The following EYA1 variants were observed in gnomAD, a reference collection of about 807,000 sequenced individuals.
The protein encoded by EYA1 is protein phosphatase EYA1.
A neutral mutation model predicts 82.0 loss-of-function variants in EYA1; 16 were observed. The ratio of observed to expected loss-of-function variants is 0.20; its 90% CI spans 0.13 to 0.30. The LOEUF (loss-of-function observed/expected upper bound fraction) is 0.30. EYA1 is among the 10% of genes least tolerant of loss of function. EYA1 has a pLI of 1.00. For missense variants in EYA1, 633 were observed against 730.7 expected (o/e 0.87, Z 1.54); for synonymous variants, 261 against 264.4 (o/e 0.99, Z 0.12).
intron 2 of EYA1, among the ~76,000 whole-genome samples, chr8:71,434,558 AG>A (rs1469172776): frequency 6.6e-6 from 1 of 152,182 alleles, no homozygotes; most frequent in African/African-American, 2.4e-5. Context: ...GAGGTTACAT[AG>A]AAGATAGAAG....
chr8:71,201,835 A>G (rs1274520056), intron 17 of EYA1, among the ~76,000 whole-genome samples: 6 of 152,090 alleles, frequency 3.9e-5, no homozygotes, highest in Admixed American at 6.6e-5. Flanking sequence ...CTTGGTATCT[A>G]TTTTTATATT....
At chr8:71,384,618 C>T (rs1267830626) in intron 2 of EYA1, among the ~76,000 whole-genome samples, 1 of 152,212 alleles carries the variant, frequency 6.6e-6, no homozygotes, top group Non-Finnish European at 1.5e-5. Flanking sequence ...GATCTCAGAA[C>T]AATCAAACAT....
At chr8:71,415,027 A>G (rs1830783724) in intron 2 of EYA1, among the ~76,000 whole-genome samples, 1 of 152,186 alleles carries the variant, frequency 6.6e-6, no homozygotes, top group Non-Finnish European at 1.5e-5. Flanking sequence ...AAACTTGTAA[A>G]ACAGAAATTC....
chr8:71,473,033 A>AGTCCAAATAAT (rs1302371661), intron 2 of EYA1, among the ~76,000 whole-genome samples: 3 of 151,940 alleles, frequency 2.0e-5, no homozygotes, highest in Admixed American at 6.6e-5. Flanking sequence ...GATAAAAATG[A>AGTCCAAATAAT]GTCCAAATAA....
chr8:71,347,424 AC>A (rs1825846704), intron 3 of EYA1, among the ~76,000 whole-genome samples: 1 of 152,012 alleles, frequency 6.6e-6, no homozygotes. Flanking sequence ...CCGGGTTCAC[AC>A]CATTCTCCTG....
intron 2 of EYA1, among the ~76,000 whole-genome samples, chr8:71,501,388 T>C (rs1309948141): frequency 6.6e-6 from 1 of 152,226 alleles, no homozygotes; most frequent in Non-Finnish European, 1.5e-5. Flanking sequence ...CATTATTTGC[T>C]TGAAATCCTG....
intron 2 of EYA1, among the ~76,000 whole-genome samples, chr8:71,448,299 T>C (rs1458879934): frequency 6.6e-6 from 1 of 152,214 alleles, no homozygotes; most frequent in Admixed American, 6.5e-5. Flanking sequence ...TTCAATAATG[T>C]TCATGGCATC....
chr8:71,356,078 G>T (rs760991988), intron 2 of EYA1, among the ~76,000 whole-genome samples: 3 of 152,116 alleles, frequency 2.0e-5, no homozygotes, highest in African/African-American at 7.2e-5. Flanking sequence ...TTTAGAGGTC[G>T]CACTTACATT....
At chr8:71,277,115 ATTTTTTTTTTTTT>A (rs9298167) in intron 9 of EYA1, among the ~76,000 whole-genome samples, 29 of 76,948 alleles carry the variant, frequency 3.8e-4, no homozygotes, top group African/African-American at 1.3e-3. Flanking sequence ...GGCTTCACAC[ATTTTTTTTTTTTT>A]TTTTTTTTTT....
At chr8:71,362,529 T>C (rs1447253686), upstream of EYA1, among the ~76,000 whole-genome samples, 1 of 152,172 alleles carries the variant, frequency 6.6e-6, no homozygotes, top group Non-Finnish European at 1.5e-5. Context: ...TACCTACTAC[T>C]GAAACAGGTC....
At chr8:71,400,066 A>T (rs1420606854) in intron 2 of EYA1, among the ~76,000 whole-genome samples, 3 of 152,184 alleles carry the variant, frequency 2.0e-5, no homozygotes, top group Non-Finnish European at 4.4e-5. Flanking sequence ...ATTCCAAAAA[A>T]TGGTGCTGGG....
At chr8:71,488,244 T>G (rs1347371144) in intron 2 of EYA1, among the ~76,000 whole-genome samples, 1 of 151,804 alleles carries the variant, frequency 6.6e-6, no homozygotes, top group African/African-American at 2.4e-5. Flanking sequence ...ATATACATCA[T>G]GATATAAATA....
At chr8:71,375,004 G>A (rs755310472) in intron 2 of EYA1, among the ~76,000 whole-genome samples, 2 of 152,058 alleles carry the variant, frequency 1.3e-5, no homozygotes, top group Non-Finnish European at 2.9e-5. Flanking sequence ...GAGGAAACAG[G>A]GAGATGTAGG....
upstream of EYA1, among the ~76,000 whole-genome samples, chr8:71,364,029 TATC>T (rs1827598392): frequency 6.6e-6 from 1 of 151,980 alleles, no homozygotes; most frequent in Non-Finnish European, 1.5e-5. Context: ...TAGTTAAATG[TATC>T]ATATTACATA....
intron 12 of EYA1, chr8:71,225,242 C>A: frequency 2.2e-6 from 1 of 456,212 alleles, no homozygotes; most frequent in Non-Finnish European, 4.4e-6. Flanking sequence ...AGAGCTCAAG[C>A]GCTGCTAGGC....
At chr8:71,432,797 G>A (rs1346951426) in intron 2 of EYA1, among the ~76,000 whole-genome samples, 1 of 152,122 alleles carries the variant, frequency 6.6e-6, no homozygotes, top group Non-Finnish European at 1.5e-5. Context: ...ATGCCTTTGA[G>A]TAAATTATTC....
chr8:71,455,407 A>G (rs1055950630), intron 2 of EYA1, among the ~76,000 whole-genome samples: 1 of 152,212 alleles, frequency 6.6e-6, no homozygotes, highest in South Asian at 2.1e-4. Context: ...AACTCATTTT[A>G]TGAGGCCAGC....
chr8:71,536,521 T>C lies in EYA1; in HGVS notation c.-72-673A>G, dbSNP rs185702407. 1.6e-3 allele frequency among the ~76,000 whole-genome samples: 251 copies of C among 152,274 alleles called. 2 individuals are homozygous for C. Among genetic ancestry groups the C allele is most frequent in the Middle Eastern group, 3.4e-3 (1 of 294 alleles). On this transcript the variant is annotated intron_variant, in intron 1 of 18. Coordinates refer to the EYA1 transcript ENST00000643681. ...ATGTAGCTATCTTCAAAAAAAAATA[T>C]AGCAATTTAAATGCCATTCTAATTT...
At chr8:71,425,265 G>A (rs904478460) in intron 2 of EYA1, among the ~76,000 whole-genome samples, 1 of 150,882 alleles carries the variant, frequency 6.6e-6, no homozygotes, top group Non-Finnish European at 1.5e-5. Context: ...TCCAGCCTGG[G>A]TGACAGAGGG....
Sources: gnomAD v4.1 joint callset for allele counts (sites outside exome capture counted in the v4.1 genomes callset) on GRCh38, gnomAD v4.1.1 for gene constraint, MANE v1.5 for transcripts, NCBI Gene and HGNC (gene_info 2026-07-23, HGNC 2026-07-21) for gene names.